Variants in PRSS27 observed in about 807,000 individuals in gnomAD.
PRSS27 encodes the protein serine protease 27.
A neutral mutation model predicts 32.0 loss-of-function variants in PRSS27; 25 were observed. The ratio of observed to expected loss-of-function variants is 0.78; its 90% CI spans 0.57 to 1.09. The LOEUF (loss-of-function observed/expected upper bound fraction) is 1.09. Ranked by LOEUF, PRSS27 falls within the 50% of genes least tolerant of loss-of-function variation. The pLI is 0.00. For synonymous variants in PRSS27, 178 were observed against 172.2 expected, an observed-to-expected ratio of 1.03 and a Z score of -0.26; for missense variants, 401 against 394.9, an observed-to-expected ratio of 1.02 and a Z score of -0.13.
intron 1 of PRSS27, 44 bp downstream of exon 1, chr16:2,720,071 G>C (rs1343534088): frequency 1.3e-6 from 2 of 1,546,296 alleles, no homozygotes; most frequent in East Asian, 4.7e-5. Flanking sequence ...AGCGGAGCCT[G>C]GTGGGGGACT....
At chr16:2,715,608 G>C in intron 3 of PRSS27, 110 bp downstream of exon 3, 1 of 828,362 alleles carries the variant, frequency 1.2e-6, no homozygotes. Flanking sequence ...GGAGCCCCCA[G>C]GGAGGTCACC....
At position 2,720,107 on chromosome 16, in the gene PRSS27, C is replaced by A. The variant is rs2067726203; in HGVS notation, c.46+8G>T. The A allele has an allele frequency of 6.2e-7, 1 of 1,600,488 alleles. No individual in the cohort carries two copies. Among genetic ancestry groups the A allele is most frequent in the Non-Finnish European group, 8.5e-7 (1 of 1,173,806 alleles). On this transcript the variant is annotated splice_region_variant and intron_variant, in intron 1 of 5. Coordinates refer to ENST00000302641, the MANE Select transcript of PRSS27 (RefSeq NM_031948.5). ...GCACCACCAGGACCCTGCACCTTCA[C>A]GACTCACCAAAACACAGCAGCAGCA...
chr16:2,713,291 G>C lies in PRSS27; in HGVS notation c.678+238C>G, dbSNP rs889055856. On this transcript the variant is annotated intron_variant, in intron 5 of 5. Coordinates refer to ENST00000302641, the MANE Select transcript of PRSS27 (RefSeq NM_031948.5). ...TTTTTTGTATTTTTAGTAGAGATGG[G>C]GTTTCACTGTGTTAGCCAGGATGGT... The C allele has an allele frequency of 3.8e-5, 20 of 528,916 alleles. 1 individual carries two copies. In the South Asian group the frequency reaches 3.9e-4, roughly 10 times the overall value. 32.8% of individuals were successfully genotyped at this position (528,916 alleles called of 1,614,324 possible). A position where few individuals can be genotyped will look rare whatever the true frequency, so the allele number is the denominator to read the frequency against.
At position 2,713,688 on chromosome 16, in the gene PRSS27, G is replaced by C. The variant is rs188198556; in HGVS notation, c.519C>G (p.Pro173=). 1,472 of 1,614,172 alleles carry C rather than the reference G, an allele frequency of 9.1e-4. 27 individuals are homozygous for C. In the East Asian group the frequency reaches 0.024, roughly 27 times the overall value. The part of the protein sequence containing the change: ...WGSPSEEDLL[P]EPRILQKLAV... Reference sequence around the variant, plus strand: ...CGAGTTTCTGCAGGATCCGCGGTTCGGGCAGGAGGTCTGGAGAGGGGCGGA... The same window carrying C: ...CGAGTTTCTGCAGGATCCGCGGTTCCGGCAGGAGGTCTGGAGAGGGGCGGA... The change falls in exon 5 of 6, where the codon CCC becomes CCG. Residue 173 remains proline (P), a synonymous_variant. Coordinates refer to ENST00000302641, the MANE Select transcript of PRSS27 (RefSeq NM_031948.5).
chr16:2,715,138 G>T (rs943975711), intron 3 of PRSS27: 2 of 146,252 alleles, frequency 1.4e-5, no homozygotes, highest in Non-Finnish European at 2.9e-5. Context: ...AGAAAAAAAA[G>T]AAAAAGATGT....
Position 2,715,816 on chromosome 16 carries a change from C to T in PRSS27, c.138G>A (p.Trp46Ter), listed in dbSNP as rs750004065. ...VGGQDTQEGE[W>*]PWQVSIQRNG... Reference sequence around the variant, plus strand: ...TGCGCTGGATGCTGACTTGCCAGGGCCACTCGCCCTCCTGCGTGTCCTGCC... The same window carrying T: ...TGCGCTGGATGCTGACTTGCCAGGGTCACTCGCCCTCCTGCGTGTCCTGCC... Residue 46 changes from tryptophan to a stop codon, truncating the protein, a stop_gained, in exon 3 of 6, where the codon TGG becomes TGA. Coordinates refer to ENST00000302641, the MANE Select transcript of PRSS27 (RefSeq NM_031948.5). LOFTEE classifies it high-confidence loss of function. 6.7e-5 allele frequency: 107 copies of T among 1,605,654 alleles called. No individual in the cohort carries two copies. Among genetic ancestry groups the T allele is most frequent in the Non-Finnish European group, 8.9e-5 (105 of 1,178,064 alleles).
Position 2,714,035 on chromosome 16 carries a change from C to G in PRSS27, c.508+30G>C, listed in dbSNP as rs747793899. Reference sequence around the variant, plus strand: ...GTCCTGGGCCTTCTTGAGGCATATCCCCCATTCTTTCCCAGCCCTGTCCCC... The same window carrying G: ...GTCCTGGGCCTTCTTGAGGCATATCGCCCATTCTTTCCCAGCCCTGTCCCC... On this transcript the variant is annotated intron_variant, in intron 4 of 5. Transcript: ENST00000302641. This position sits in a 1 kb window ranked among gnomAD's most constrained non-coding sequence, Gnocchi z 4.7. 1 of 1,577,284 alleles carries G rather than the reference C, an allele frequency of 6.3e-7. No homozygotes were observed. Among genetic ancestry groups the G allele is most frequent in the East Asian group, 2.2e-5 (1 of 44,638 alleles).
rs943446289 is a variant in PRSS27 at position 2,714,560 on chromosome 16, C to T, written c.237-224G>A. 6.7e-6 allele frequency: 4 copies of T among 597,394 alleles called. No individual in the cohort carries two copies. The Admixed American group carries it at 8.8e-5, about 13-fold the overall frequency. The allele number at this position is 597,394 out of a possible 1,614,324, so 37.0% of individuals were successfully genotyped here. On this transcript the variant is annotated intron_variant, in intron 3 of 5. Transcript: ENST00000302641. This position sits in a 1 kb window ranked among gnomAD's most constrained non-coding sequence, Gnocchi z 4.7. ...CCTCCACCCCTGGCCGCTGTGTGGC[C>T]TTGGGCAAGTCACTTAACAAGTTCT...
At chr16:2,719,329 CAAGG>C (rs2067721038) in intron 1 of PRSS27, among the ~76,000 whole-genome samples, 5 of 152,224 alleles carry the variant, frequency 3.3e-5, no homozygotes, top group African/African-American at 1.2e-4. Flanking sequence ...CCCAGGAGAA[CAAGG>C]AAGCCTGGAG....
rs1464781845 is a variant in PRSS27, at chr16:2,712,483, G to A, written c.*137C>T. The A allele has an allele frequency of 4.4e-6, 3 of 684,688 alleles. No individual in the cohort carries two copies. The highest frequency in any genetic ancestry group is 7.1e-6 in the Non-Finnish European group (3 of 420,346). The allele number at this position is 684,688 out of a possible 1,614,324, so 42.4% of individuals were successfully genotyped here. A position where few individuals can be genotyped will look rare whatever the true frequency, so the allele number is the denominator to read the frequency against. ...AATAAAATAAGGGTATTTGAGAGGG[G>A]AGGAAGGAGCGCTATTTACAAATGA... On this transcript the variant is annotated 3_prime_UTR_variant, in exon 6 of 6. Transcript: ENST00000302641. The surrounding 1 kb of genome is among the most constrained non-coding windows in gnomAD (Gnocchi z 4.6).
rs753702640 is a variant in PRSS27 at position 2,713,509 on chromosome 16, G to A, written c.678+20C>T. The A allele has an allele frequency of 1.2e-6, 2 of 1,613,642 alleles. No individual in the cohort carries two copies. The highest frequency in any genetic ancestry group is 4.5e-5 in the East Asian group (2 of 44,880). ...CTGGCGGTGGGGACTGAGTCCCCATGGACACCACATTGCTCCCACCTTGCA... is the reference window on the plus strand; with the variant it reads ...CTGGCGGTGGGGACTGAGTCCCCATAGACACCACATTGCTCCCACCTTGCA... On this transcript the variant is annotated intron_variant, in intron 5 of 5. Transcript: ENST00000302641.
chr16:2,712,819 G>C lies in PRSS27; in HGVS notation c.679-5C>G. 6.5e-7 allele frequency: 1 copy of C among 1,541,908 alleles called. No individual in the cohort carries two copies. Among genetic ancestry groups the C allele is most frequent in the Non-Finnish European group, 8.8e-7 (1 of 1,141,706 alleles). On this transcript the variant is annotated splice_polypyrimidine_tract_variant and splice_region_variant and intron_variant, in intron 5 of 5. Transcript: ENST00000302641. The surrounding 1 kb of genome is among the most constrained non-coding windows in gnomAD (Gnocchi z 4.6). ...CAGGGGGCCGCCCGAGTCGCCCTGC[G>C]GGGGACGCAGAGTCACCGTCAGAGC...
At position 2,714,487 on chromosome 16, in the gene PRSS27, G is replaced by A. The variant is rs770942541; in HGVS notation, c.237-151C>T. On this transcript the variant is annotated intron_variant, in intron 3 of 5. Transcript: ENST00000302641. This position sits in a 1 kb window ranked among gnomAD's most constrained non-coding sequence, Gnocchi z 4.7. ...CATCTCTAGGACAGCCAGGTGCAGC[G>A]GTGATGCGTGTTGACATTGAAGCCA... is the stretch of plus-strand genomic sequence containing the variant. The A allele has an allele frequency of 4.9e-5, 42 of 851,030 alleles. No homozygotes were observed. The highest frequency in any genetic ancestry group is 8.2e-5 in the South Asian group (5 of 61,032). 52.7% of individuals were successfully genotyped at this position (851,030 alleles called of 1,614,324 possible). A position where few individuals can be genotyped will look rare whatever the true frequency, so the allele number is the denominator to read the frequency against.
Position 2,712,818 on chromosome 16 carries a change from CG to C in PRSS27, c.679-5del. 2 of 1,543,910 alleles carry C rather than the reference CG, an allele frequency of 1.3e-6. No individual in the cohort carries two copies. Among genetic ancestry groups the C allele is most frequent in the Non-Finnish European group, 1.8e-6 (2 of 1,142,674 alleles). ...CCAGGGGGCCGCCCGAGTCGCCCTG[CG>C]GGGGACGCAGAGTCACCGTCAGAGC... On this transcript the variant is annotated splice_polypyrimidine_tract_variant and splice_region_variant and intron_variant, in intron 5 of 5. Coordinates refer to ENST00000302641, the MANE Select transcript of PRSS27 (RefSeq NM_031948.5). The surrounding 1 kb of genome is among the most constrained non-coding windows in gnomAD (Gnocchi z 4.6).
chr16:2,713,030 AGT>A, intron 5 of PRSS27: 1 of 546,022 alleles, frequency 1.8e-6, no homozygotes, highest in Non-Finnish European at 3.2e-6. Context: ...TTGAAAATGC[AGT>A]TTCTTGTGCC....
At chr16:2,713,296 C>T in intron 5 of PRSS27, 1 of 539,794 alleles carries the variant, frequency 1.9e-6, no homozygotes, top group South Asian at 1.9e-5. Context: ...GATGGGGTTT[C>T]ACTGTGTTAG....
intron 1 of PRSS27, chr16:2,718,510 G>A (rs929948226): frequency 2.0e-5 from 3 of 151,830 alleles, no homozygotes; most frequent in Non-Finnish European, 2.9e-5. Context: ...AGTAGAGAGG[G>A]GTTTCACCAT....
In PRSS27 at chr16:2,714,695, G is replaced by A. The variant is rs1388649318; in HGVS notation, c.237-359C>T. ...GTGCAGCAGGGCCAGCCCCACCTGC[G>A]GGCCTCTGGCAGGTGACCTGCCCTC... On this transcript the variant is annotated intron_variant, in intron 3 of 5. Coordinates refer to ENST00000302641, the MANE Select transcript of PRSS27 (RefSeq NM_031948.5). This position sits in a 1 kb window ranked among gnomAD's most constrained non-coding sequence, Gnocchi z 4.7. The A allele has an allele frequency of 2.3e-5, 7 of 298,442 alleles. No individual in the cohort carries two copies. The highest frequency in any genetic ancestry group is 1.0e-4 in the South Asian group (3 of 28,850). 18.5% of individuals were successfully genotyped at this position (298,442 alleles called of 1,614,324 possible). A position where few individuals can be genotyped will look rare whatever the true frequency, so the allele number is the denominator to read the frequency against.
chr16:2,715,713 C>A lies in PRSS27; in HGVS notation c.236+5G>T. The A allele has an allele frequency of 6.6e-7, 1 of 1,524,118 alleles. No individual in the cohort carries two copies. The allele number at this position is 1,524,118 out of a possible 1,614,324, so 94.4% of individuals were successfully genotyped here. On this transcript the variant is annotated splice_donor_5th_base_variant and intron_variant, in intron 3 of 5. Transcript: ENST00000302641. ...ATGGGCGGGGGCAGGGGCGGGCGGA[C>A]TCACTTGCGGAAGCAGTGCGCAGCC... is the stretch of plus-strand genomic sequence containing the variant.
Sources: gnomAD v4.1 joint callset for allele counts (sites outside exome capture counted in the v4.1 genomes callset) on GRCh38, gnomAD v4.1.1 for gene constraint, Gnocchi (gnomAD v3.1) non-coding constraint, MANE v1.5 for transcripts, NCBI Gene and HGNC (gene_info 2026-07-23, HGNC 2026-07-21) for gene names.